CDYL2: variants seen among roughly 807,000 people sequenced by gnomAD.
CDYL2 encodes the protein chromodomain Y-like protein 2.
CDYL2 carries 23 observed loss-of-function variants against 49.4 expected under a neutral mutation model. That is an observed-to-expected ratio of 0.47 (90% CI 0.34 to 0.66). CDYL2 has a LOEUF of 0.66. Ranked by LOEUF, CDYL2 falls within the 30% of genes least tolerant of loss-of-function variation. The pLI is 0.01. For missense variants in CDYL2, 678 were observed against 656.4 expected, an observed-to-expected ratio of 1.03 and a Z score of -0.36; for synonymous variants, 360 against 268.8, an observed-to-expected ratio of 1.34 and a Z score of -3.32.
intron 2 of CDYL2, 79 bp from the exon 3 acceptor site, chr16:80,633,315 T>C: frequency 7.0e-7 from 1 of 1,435,756 alleles, no homozygotes; most frequent in Non-Finnish European, 9.6e-7. Flanking sequence ...GACGTTGGGA[T>C]TTCCAATGGA....
chr16:80,789,027 A>G (rs1321038122), intron 1 of CDYL2, among the ~76,000 whole-genome samples: 1 of 152,182 alleles, frequency 6.6e-6, no homozygotes, highest in Non-Finnish European at 1.5e-5. Context: ...AAAATGCTCA[A>G]CATCACTAAT....
intron 1 of CDYL2, among the ~76,000 whole-genome samples, chr16:80,719,335 G>A (rs75961058): frequency 9.2e-5 from 14 of 152,208 alleles, no homozygotes; most frequent in Non-Finnish European, 1.3e-4. Flanking sequence ...CAGTGCCTCC[G>A]TTTCTCCATT....
chr16:80,728,870 G>T (rs1030780314), intron 1 of CDYL2, among the ~76,000 whole-genome samples: 3 of 151,242 alleles, frequency 2.0e-5, no homozygotes, highest in Admixed American at 2.0e-4. Context: ...AAGTGAAGGA[G>T]AAATAAAATA....
chr16:80,758,096 G>C (rs558880124), intron 1 of CDYL2, among the ~76,000 whole-genome samples: 1 of 152,052 alleles, frequency 6.6e-6, no homozygotes, highest in Non-Finnish European at 1.5e-5. Flanking sequence ...AAAATCAAAA[G>C]TCCAGAAATA....
Position 80,778,487 on chromosome 16 carries a change from C to G in CDYL2, c.24+25663G>C, listed in dbSNP as rs1907162442. ...CCAAAAGGAACTGAATTATAAAACC[C>G]TCTTCACAAAGGCAACAAAACTCTA... On this transcript the variant is annotated intron_variant, in intron 1 of 6. Transcript: ENST00000570137. Among the ~76,000 whole-genome samples the G allele has an allele frequency of 1.3e-5, 2 of 151,774 alleles. 1 individual carries two copies. The highest frequency in any genetic ancestry group is 3.9e-4 in the East Asian group (2 of 5,178).
chr16:80,785,088 A>G (rs1007524127), intron 1 of CDYL2, among the ~76,000 whole-genome samples: 8 of 152,210 alleles, frequency 5.3e-5, no homozygotes, highest in Non-Finnish European at 7.3e-5. Flanking sequence ...CTTTTGTCCA[A>G]GAGTGATGGG....
intron 1 of CDYL2, among the ~76,000 whole-genome samples, chr16:80,777,523 G>A (rs1907127820): frequency 6.6e-6 from 1 of 151,918 alleles, no homozygotes; most frequent in Non-Finnish European, 1.5e-5. Context: ...TACAACCTTA[G>A]GAAAGAGATG....
intron 1 of CDYL2, among the ~76,000 whole-genome samples, chr16:80,715,814 C>G (rs760380135): frequency 2.0e-5 from 3 of 152,216 alleles, no homozygotes; most frequent in Non-Finnish European, 2.9e-5. Flanking sequence ...TCTATGGAAT[C>G]ATCCATGGCC....
intron 3 of CDYL2, among the ~76,000 whole-genome samples, chr16:80,632,270 T>C (rs1329820099): frequency 6.6e-6 from 1 of 152,148 alleles, no homozygotes; most frequent in Non-Finnish European, 1.5e-5. Context: ...CACTAAAACA[T>C]GGATGAAACA....
chr16:80,643,443 T>C (rs1237959625), intron 2 of CDYL2, among the ~76,000 whole-genome samples: 1 of 152,224 alleles, frequency 6.6e-6, no homozygotes, highest in Non-Finnish European at 1.5e-5. Context: ...GGTGGCCCTT[T>C]TCTCACAGCT....
intron 2 of CDYL2, among the ~76,000 whole-genome samples, chr16:80,640,964 C>T (rs1450796528): frequency 6.6e-6 from 1 of 151,918 alleles, no homozygotes; most frequent in Non-Finnish European, 1.5e-5. Context: ...TAGAAAATAG[C>T]CTCAAAAGGG....
chr16:80,682,743 G>C (rs772621505), intron 2 of CDYL2, among the ~76,000 whole-genome samples: 8 of 152,142 alleles, frequency 5.3e-5, no homozygotes, highest in African/African-American at 9.7e-5. Context: ...CTGAGACAGG[G>C]AACTCCGCCA....
intron 1 of CDYL2, among the ~76,000 whole-genome samples, chr16:80,743,800 G>C (rs532631121): frequency 2.6e-5 from 4 of 152,040 alleles, no homozygotes; most frequent in African/African-American, 4.8e-5. Context: ...ATCAATTAAG[G>C]ATGAAGATAA....
At chr16:80,719,518 G>T (rs1904927243) in intron 1 of CDYL2, among the ~76,000 whole-genome samples, 1 of 152,118 alleles carries the variant, frequency 6.6e-6, no homozygotes. Context: ...CTCGTCATTT[G>T]TGTGCACTAA....
chr16:80,746,834 T>TA (rs1379043916), intron 1 of CDYL2, among the ~76,000 whole-genome samples: 7 of 152,120 alleles, frequency 4.6e-5, no homozygotes, highest in African/African-American at 7.2e-5. Context: ...TGAGCTTGCT[T>TA]AAAAAACTGA....
intron 1 of CDYL2, among the ~76,000 whole-genome samples, chr16:80,785,045 G>A (rs373809147): frequency 2.6e-5 from 4 of 152,182 alleles, no homozygotes; most frequent in Admixed American, 1.3e-4. Context: ...AGCCTGGAAA[G>A]GTAGGCAAGG....
At chr16:80,741,625 T>C (rs1446571798) in intron 1 of CDYL2, among the ~76,000 whole-genome samples, 1 of 152,020 alleles carries the variant, frequency 6.6e-6, no homozygotes, top group Non-Finnish European at 1.5e-5. Flanking sequence ...GATATCTAAA[T>C]AAAATAAATA....
At chr16:80,666,180 G>A (rs1486004597) in intron 2 of CDYL2, among the ~76,000 whole-genome samples, 1 of 152,160 alleles carries the variant, frequency 6.6e-6, no homozygotes, top group Non-Finnish European at 1.5e-5. Flanking sequence ...GAGATGCTAA[G>A]AGGCAATGTT....
Position 80,598,474 on chromosome 16 carries a change from A to C in CDYL2, c.*5914T>G, listed in dbSNP as rs536511454. ...TGAGAATGGAGAGAGAACTGAAGAC[A>C]ATTCTTCTCACACCTAACAGGAATT... is the stretch of plus-strand genomic sequence containing the variant. On this transcript the variant is annotated 3_prime_UTR_variant, in exon 7 of 7. Transcript: ENST00000570137. The C allele has an allele frequency of 6.6e-6, 1 of 152,308 alleles. No homozygotes were observed. Among genetic ancestry groups the C allele is most frequent in the African/African-American group, 2.4e-5 (1 of 41,576 alleles). 9.4% of individuals were successfully genotyped at this position (152,308 alleles called of 1,614,324 possible). A position where few individuals can be genotyped will look rare whatever the true frequency, so the allele number is the denominator to read the frequency against.
Sources: allele counts gnomAD v4.1 joint callset (sites outside exome capture counted in the v4.1 genomes callset), GRCh38; gene constraint gnomAD v4.1.1; transcripts MANE v1.5; gene names NCBI Gene and HGNC (gene_info 2026-07-23, HGNC 2026-07-21).